The following ADAMTS16 variants were observed in gnomAD, a reference collection of about 807,000 sequenced individuals.
The protein encoded by ADAMTS16 is A disintegrin and metalloproteinase with thrombospondin motifs 16.
Under a neutral mutation model 145.8 loss-of-function variants are expected in ADAMTS16, and 94 were observed. That is an observed-to-expected ratio of 0.64 (90% confidence interval 0.55 to 0.77). The LOEUF (loss-of-function observed/expected upper bound fraction) is 0.77, where lower values mean the gene tolerates loss of function less well. Among genes scored for constraint, ADAMTS16 ranks in the 30% least tolerant of loss-of-function variants. ADAMTS16 has a pLI of 0.00. For missense variants in ADAMTS16, 1,585 were observed against 1,591.5 expected, an observed-to-expected ratio of 1.00 and a Z score of 0.07; for synonymous variants, 659 against 604.3, an observed-to-expected ratio of 1.09 and a Z score of -1.33.
At chr5:5,284,494 T>C (rs1739039184) in intron 18 of ADAMTS16, among the ~76,000 whole-genome samples, 1 of 152,210 alleles carries the variant, frequency 6.6e-6, no homozygotes, top group Admixed American at 6.5e-5. Context: ...GCCATAGCTT[T>C]CTGATTCTCA....
intron 2 of ADAMTS16, among the ~76,000 whole-genome samples, chr5:5,143,637 C>G (rs1425308368): frequency 6.6e-6 from 1 of 152,082 alleles, no homozygotes; most frequent in East Asian, 1.9e-4. Context: ...GGGTATATAC[C>G]CAGAGAATTA....
chr5:5,165,017 T>G (rs766530969), intron 3 of ADAMTS16, among the ~76,000 whole-genome samples: 1 of 152,144 alleles, frequency 6.6e-6, no homozygotes, highest in Non-Finnish European at 1.5e-5. Context: ...GTTCAGTAAT[T>G]TTTTAGTAAA....
Position 5,310,277 on chromosome 5 carries a change from C to T in ADAMTS16, c.3411+3549C>T, listed in dbSNP as rs987104089. 6.6e-6 allele frequency among the ~76,000 whole-genome samples: 1 copy of T among 152,140 alleles called. No individual in the cohort carries two copies. The highest frequency in any genetic ancestry group is 2.4e-5 in the African/African-American group (1 of 41,424). On this transcript the variant is annotated intron_variant, in intron 21 of 22. Coordinates refer to ENST00000274181, the MANE Select transcript of ADAMTS16 (RefSeq NM_139056.4). This position sits in a 1 kb window ranked among gnomAD's most constrained non-coding sequence, Gnocchi z 4.3. ...ACCCCACCCACACTGCGCAGCCCAT[C>T]TCTCATCCTTCCTAGCCCCCAATTC... is the stretch of plus-strand genomic sequence containing the variant.
At chr5:5,260,565 C>T (rs1297681786) in intron 17 of ADAMTS16, among the ~76,000 whole-genome samples, 2 of 152,188 alleles carry the variant, frequency 1.3e-5, no homozygotes, top group Non-Finnish European at 2.9e-5. Context: ...CTGTGAGGGT[C>T]CTATGTAACC....
rs1734133215 is a variant in ADAMTS16 at position 5,318,179 on chromosome 5, TGCCTGGCTGGGG to T, written c.3461_3472del (p.Leu1154_Gly1157del). 1 of 1,559,492 alleles carries T rather than the reference TGCCTGGCTGGGG, an allele frequency of 6.4e-7. No individual in the cohort carries two copies. The highest frequency in any genetic ancestry group is 2.3e-5 in the East Asian group (1 of 42,764). The stretch of plus-strand genomic sequence containing the variant: ...AGGCGTTCAGACGAGGTCCGTGCAG[TGCCTGGCTGGGG>T]GCCGGCCGGCCTCAGGCTGCCTCCT... On this transcript the variant is annotated inframe_deletion, in exon 22 of 23. Transcript: ENST00000274181.
intron 21 of ADAMTS16, among the ~76,000 whole-genome samples, chr5:5,315,387 G>A (rs965187913): frequency 2.0e-5 from 3 of 151,866 alleles, no homozygotes; most frequent in Admixed American, 6.6e-5. Context: ...TGCTGAATAA[G>A]TGAATCAGTG....
At chr5:5,304,982 TC>T (rs1441694482) in intron 20 of ADAMTS16, among the ~76,000 whole-genome samples, 1 of 63,400 alleles carries the variant, frequency 1.6e-5, no homozygotes, top group Non-Finnish European at 3.1e-5. Flanking sequence ...CACACACACA[TC>T]CTACACCACA....
intron 18 of ADAMTS16, among the ~76,000 whole-genome samples, chr5:5,301,622 C>T (rs867601977): frequency 1.3e-5 from 2 of 152,196 alleles, no homozygotes; most frequent in African/African-American, 2.4e-5. Context: ...GAGGCACCTC[C>T]GGAGTTCCTG....
chr5:5,290,858 G>A (rs778223703), intron 18 of ADAMTS16, among the ~76,000 whole-genome samples: 31 of 151,970 alleles, frequency 2.0e-4, no homozygotes, highest in African/African-American at 6.5e-4. Flanking sequence ...TGTTCTTCCC[G>A]CTGTGACCAT....
chr5:5,273,635 T>G (rs1333748198), intron 18 of ADAMTS16, among the ~76,000 whole-genome samples: 1 of 152,244 alleles, frequency 6.6e-6, no homozygotes, highest in African/African-American at 2.4e-5. Flanking sequence ...ATCACCTCAA[T>G]GTGCTGATTC....
chr5:5,312,759 C>T (rs1740511434), intron 21 of ADAMTS16, among the ~76,000 whole-genome samples: 1 of 152,130 alleles, frequency 6.6e-6, no homozygotes, highest in Non-Finnish European at 1.5e-5. Flanking sequence ...CACCCAGCCC[C>T]CTTCCTTTTG....
chr5:5,296,757 T>C lies in ADAMTS16; in HGVS notation c.2790-6511T>C, dbSNP rs1341681409. ...TGTGCTATCGTTGGACATGAGAACT[T>C]TGGATGTTAAGCCTGGTAAAGAGGA... On this transcript the variant is annotated intron_variant, in intron 18 of 22. Coordinates refer to ENST00000274181, the MANE Select transcript of ADAMTS16 (RefSeq NM_139056.4). Among the ~76,000 whole-genome samples the C allele has an allele frequency of 2.0e-5, 3 of 152,132 alleles. No individual in the cohort carries two copies. The East Asian group carries it at 5.8e-4, about 29-fold the overall frequency.
At chr5:5,220,621 C>A (rs1249482039) in intron 10 of ADAMTS16, among the ~76,000 whole-genome samples, 1 of 152,074 alleles carries the variant, frequency 6.6e-6, no homozygotes, top group Non-Finnish European at 1.5e-5. Flanking sequence ...AGCCCTTAAG[C>A]GAGAAAGGAA....
chr5:5,187,958 C>G, intron 6 of ADAMTS16, 150 bp downstream of exon 6: 1 of 564,368 alleles, frequency 1.8e-6, no homozygotes. Context: ...AAATGAGTGT[C>G]TTTTCAATCC....
intron 18 of ADAMTS16, among the ~76,000 whole-genome samples, chr5:5,271,011 G>A (rs971205121): frequency 3.3e-5 from 5 of 152,184 alleles, no homozygotes; most frequent in African/African-American, 1.2e-4. Flanking sequence ...GTGATCTGAT[G>A]TTTCATGTTC....
intron 21 of ADAMTS16, among the ~76,000 whole-genome samples, chr5:5,314,551 G>A (rs151122534): frequency 6.6e-6 from 1 of 152,240 alleles, no homozygotes; most frequent in East Asian, 1.9e-4. Flanking sequence ...AACATTTTCA[G>A]GTTTCTTCTT....
intron 18 of ADAMTS16, among the ~76,000 whole-genome samples, chr5:5,267,112 C>T (rs1201160796): frequency 2.0e-5 from 3 of 152,252 alleles, no homozygotes; most frequent in Admixed American, 2.0e-4. Context: ...GAGGGCGTGG[C>T]TTACTTCTTT....
chr5:5,277,579 A>G (rs1738752355), intron 18 of ADAMTS16, among the ~76,000 whole-genome samples: 1 of 152,184 alleles, frequency 6.6e-6, no homozygotes, highest in Non-Finnish European at 1.5e-5. Context: ...AGCTCCAGCC[A>G]CCCACATTGT....
At chr5:5,159,609 G>A (rs1271212111) in intron 3 of ADAMTS16, among the ~76,000 whole-genome samples, 1 of 152,170 alleles carries the variant, frequency 6.6e-6, no homozygotes, top group East Asian at 1.9e-4. Context: ...GGAACCAAGA[G>A]GTGAAGTTAT....
Sources: gnomAD v4.1 joint callset for allele counts (sites outside exome capture counted in the v4.1 genomes callset) on GRCh38, gnomAD v4.1.1 for gene constraint, Gnocchi (gnomAD v3.1) non-coding constraint, MANE v1.5 for transcripts, NCBI Gene and HGNC (gene_info 2026-07-23, HGNC 2026-07-21) for gene names.